NFIB: variants seen among roughly 807,000 people sequenced by gnomAD.
NFIB encodes nuclear factor 1 B-type.
Under a neutral mutation model 61.5 loss-of-function variants are expected in NFIB, and 11 were observed. The observed-to-expected ratio is 0.18, with a 90% CI of 0.11 to 0.30. The LOEUF (loss-of-function observed/expected upper bound fraction) is 0.30. NFIB is among the 10% of genes least tolerant of loss of function. The pLI is 1.00. For missense variants in NFIB, 471 were observed against 608.9 expected (o/e 0.77, Z 2.38); for synonymous variants, 260 against 216.5 (o/e 1.20, Z -1.76).
chr9:14,413,937 G>C, the NFIB span, among the ~76,000 whole-genome samples: 1 of 152,168 alleles, frequency 6.6e-6, no homozygotes, highest in Non-Finnish European at 1.5e-5. Flanking sequence ...TCCAAAATGA[G>C]TGTTCCTGTG....
intron 2 of NFIB, among the ~76,000 whole-genome samples, chr9:14,232,883 G>A (rs1049988565): frequency 2.0e-5 from 3 of 152,176 alleles, no homozygotes; most frequent in Admixed American, 1.3e-4. Context: ...AAAGAAATCA[G>A]GAGTGCCCAC....
In NFIB at chr9:14,391,325, G is replaced by T. The variant is rs2061617887; in HGVS notation, c.108+7199C>A. ...TAGTTAGGCAGACAAGACCAGTGCA[G>T]GAGATGCCCCCCCCCCACCCCCCGC... is the stretch of plus-strand genomic sequence containing the variant. On this transcript the variant is annotated intron_variant, in intron 1 of 8. Transcript: ENST00000380934. Among the ~76,000 whole-genome samples, 4 of 93,406 alleles carry T rather than the reference G, an allele frequency of 4.3e-5. No individual in the cohort carries two copies. In the Admixed American group the frequency reaches 4.8e-4, roughly 11 times the overall value. 61.3% of individuals were successfully genotyped at this position (93,406 alleles called of 152,430 possible). A position where few individuals can be genotyped will look rare whatever the true frequency, so the allele number is the denominator to read the frequency against.
intron 2 of NFIB, among the ~76,000 whole-genome samples, chr9:14,303,644 C>A (rs2059872416): frequency 6.6e-6 from 1 of 152,202 alleles, no homozygotes; most frequent in South Asian, 2.1e-4. Context: ...AGTGTGCCCA[C>A]TGCAATGCGG....
chr9:14,493,599 A>G, the NFIB span, among the ~76,000 whole-genome samples: 1 of 152,188 alleles, frequency 6.6e-6, no homozygotes, highest in Non-Finnish European at 1.5e-5. Flanking sequence ...CATCTGTTCA[A>G]TGCTAAGAAC....
chr9:14,402,868 T>A (rs1451287506), upstream of NFIB, among the ~76,000 whole-genome samples: 1 of 152,222 alleles, frequency 6.6e-6, no homozygotes, highest in Non-Finnish European at 1.5e-5. Flanking sequence ...TAATACTTTT[T>A]AATAATTTTT....
chr9:14,338,580 C>T (rs893429566), intron 1 of NFIB, among the ~76,000 whole-genome samples: 11 of 152,114 alleles, frequency 7.2e-5, no homozygotes, highest in African/African-American at 2.7e-4. Flanking sequence ...ATAATGAATA[C>T]TGGAGAGAGT....
At chr9:14,331,491 G>A (rs2060819940) in intron 1 of NFIB, among the ~76,000 whole-genome samples, 1 of 151,780 alleles carries the variant, frequency 6.6e-6, no homozygotes, top group South Asian at 2.1e-4. Flanking sequence ...TCCTTTGAGT[G>A]TGGATTTAAG....
chr9:14,194,527 A>C (rs1472449382), intron 2 of NFIB, among the ~76,000 whole-genome samples: 1 of 152,166 alleles, frequency 6.6e-6, no homozygotes, highest in African/African-American at 2.4e-5. Context: ...ACTATTTGAA[A>C]CTTAAACTTT....
At chr9:14,378,900 T>C (rs2061451493) in intron 1 of NFIB, among the ~76,000 whole-genome samples, 1 of 152,210 alleles carries the variant, frequency 6.6e-6, no homozygotes, top group Non-Finnish European at 1.5e-5. Flanking sequence ...TGATTTGATT[T>C]GACCTTGGTT....
intron 1 of NFIB, chr9:14,361,823 C>A (rs184486293): frequency 2.0e-5 from 3 of 152,270 alleles, no homozygotes; most frequent in East Asian, 1.9e-4. Flanking sequence ...CAGGAGTAAA[C>A]AGACTCAATG....
exon 1 of NFIB, chr9:14,398,694 G>C (rs1025523755): frequency 2.5e-6 from 3 of 1,204,462 alleles, no homozygotes; most frequent in African/African-American, 3.1e-5. Context: ...CGCTGTTTTA[G>C]AATGTTTGCT....
intron 1 of NFIB, among the ~76,000 whole-genome samples, chr9:14,351,628 C>G (rs568327705): frequency 6.6e-6 from 1 of 152,304 alleles, no homozygotes; most frequent in South Asian, 2.1e-4. Context: ...TCAGCTATCT[C>G]CAGCCCTTTC....
the NFIB span, among the ~76,000 whole-genome samples, chr9:14,476,283 A>G: frequency 6.6e-6 from 1 of 151,950 alleles, no homozygotes; most frequent in African/African-American, 2.4e-5. Flanking sequence ...TTAAATGGGA[A>G]AAACACTCAA....
At chr9:14,291,665 G>C (rs2132543511) in intron 2 of NFIB, among the ~76,000 whole-genome samples, 1 of 152,184 alleles carries the variant, frequency 6.6e-6, no homozygotes, top group South Asian at 2.1e-4. Context: ...TAACTGAGAT[G>C]ATACATGCCA....
At position 14,313,902 on chromosome 9, in the gene NFIB, G is replaced by A. The variant is rs2060411654; in HGVS notation, c.-391C>T. ...GTGCGCGAAGGTTCGGTGTGGGTTG[G>A]ATTGGGGTGGTGGTTGGTGGTAAAA... is the stretch of plus-strand genomic sequence containing the variant. On this transcript the variant is annotated 5_prime_UTR_variant, in exon 1 of 11. Coordinates refer to ENST00000380953, the MANE Select transcript of NFIB (RefSeq NM_001190737.2). The surrounding 1 kb of genome is among the most constrained non-coding windows in gnomAD (Gnocchi z 4.5). 3 of 1,031,772 alleles carry A rather than the reference G, an allele frequency of 2.9e-6. No individual in the cohort carries two copies. Among genetic ancestry groups the A allele is most frequent in the South Asian group, 9.2e-5 (2 of 21,782 alleles). The allele number at this position is 1,031,772 out of a possible 1,614,324, so 63.9% of individuals were successfully genotyped here.
chr9:14,445,892 G>A, the NFIB span, among the ~76,000 whole-genome samples: 4 of 152,140 alleles, frequency 2.6e-5, no homozygotes, highest in South Asian at 8.3e-4. Flanking sequence ...ACATTTTCTT[G>A]ATGCCTAAAT....
chr9:14,101,646 TATTTA>T (rs1481741395), intron 10 of NFIB, among the ~76,000 whole-genome samples: 1 of 152,248 alleles, frequency 6.6e-6, no homozygotes, highest in Non-Finnish European at 1.5e-5. Context: ...TGAATCTAAT[TATTTA>T]ATTTGTCAAT....
At chr9:14,228,305 C>G (rs2052694077) in intron 2 of NFIB, among the ~76,000 whole-genome samples, 1 of 151,694 alleles carries the variant, frequency 6.6e-6, no homozygotes, top group African/African-American at 2.4e-5. Flanking sequence ...AGCAATTTTC[C>G]CACCTCAGCC....
intron 2 of NFIB, among the ~76,000 whole-genome samples, chr9:14,265,929 C>G (rs772125354): frequency 6.6e-5 from 10 of 152,158 alleles, no homozygotes; most frequent in Non-Finnish European, 1.5e-4. Context: ...AAGGGGAGAT[C>G]AACTTACTGC....
Sources: allele counts gnomAD v4.1 joint callset (sites outside exome capture counted in the v4.1 genomes callset), GRCh38; gene constraint gnomAD v4.1.1; non-coding constraint Gnocchi (gnomAD v3.1); transcripts MANE v1.5; gene names NCBI Gene and HGNC (gene_info 2026-07-23, HGNC 2026-07-21).